The following CREB3L2 variants were observed in gnomAD, a reference collection of about 807,000 sequenced individuals.
CREB3L2 encodes cyclic AMP-responsive element-binding protein 3-like protein 2.
A neutral mutation model predicts 57.2 loss-of-function variants in CREB3L2; 23 were observed. That is an observed-to-expected ratio of 0.40 (90% CI 0.29 to 0.57). The LOEUF (loss-of-function observed/expected upper bound fraction) is 0.57, where lower values mean the gene tolerates loss of function less well. CREB3L2 is among the 20% of genes least tolerant of loss of function. The probability of loss-of-function intolerance (pLI) is 0.42; values close to 1 mark genes in which losing one functional copy is unlikely to be tolerated. For missense variants in CREB3L2, 628 were observed against 634.7 expected, an observed-to-expected ratio of 0.99 and a Z score of 0.11; for synonymous variants, 268 against 265.1, an observed-to-expected ratio of 1.01 and a Z score of -0.11.
At chr7:137,951,893 G>T (rs995099105) in intron 1 of CREB3L2, among the ~76,000 whole-genome samples, 3 of 152,154 alleles carry the variant, frequency 2.0e-5, no homozygotes, top group African/African-American at 7.2e-5. Context: ...AGGAGGCTGA[G>T]GTGGGAGGAT....
Position 137,980,433 on chromosome 7 carries a change from T to A in CREB3L2, c.102+21171A>T, listed in dbSNP as rs1306747941. Among the ~76,000 whole-genome samples, 2 of 152,144 alleles carry A rather than the reference T, an allele frequency of 1.3e-5. No individual in the cohort carries two copies. Among genetic ancestry groups the A allele is most frequent in the South Asian group, 4.2e-4 (2 of 4,816 alleles). On this transcript the variant is annotated intron_variant, in intron 1 of 11. Coordinates refer to ENST00000330387, the MANE Select transcript of CREB3L2 (RefSeq NM_194071.4). The surrounding 1 kb of genome is among the most constrained non-coding windows in gnomAD (Gnocchi z 4.3). The stretch of plus-strand genomic sequence containing the variant: ...GTGGGTTCGCCTGGCCTGGGGCAGC[T>A]CAGGAGAGTGGTCACCCAGGCTGAG...
intron 1 of CREB3L2, among the ~76,000 whole-genome samples, chr7:137,957,497 A>G (rs1024267351): frequency 6.6e-5 from 10 of 152,088 alleles, no homozygotes; most frequent in Non-Finnish European, 1.3e-4. Context: ...GTGCCTAATT[A>G]TACAACCCCA....
At chr7:137,936,502 G>C (rs2117252380) in intron 1 of CREB3L2, among the ~76,000 whole-genome samples, 1 of 152,266 alleles carries the variant, frequency 6.6e-6, no homozygotes, top group African/African-American at 2.4e-5. Context: ...GATGAGGGTA[G>C]GCTTTAAACC....
intron 5 of CREB3L2, among the ~76,000 whole-genome samples, chr7:137,907,761 T>C (rs1799922903): frequency 6.6e-6 from 1 of 152,214 alleles, no homozygotes; most frequent in South Asian, 2.1e-4. Context: ...GATCTGAGTT[T>C]CTGGGTTAAG....
chr7:137,880,604 A>C lies in CREB3L2; in HGVS notation c.1488-53T>G. Reference sequence around the variant, plus strand: ...GTATTAGTCACCAGCTGTTAGCTACAATTCTCATGCTTTGTAGCGTGATGC... The same window carrying C: ...GTATTAGTCACCAGCTGTTAGCTACCATTCTCATGCTTTGTAGCGTGATGC... On this transcript the variant is annotated intron_variant, in intron 11 of 11. Transcript: ENST00000330387. The surrounding 1 kb of genome is among the most constrained non-coding windows in gnomAD (Gnocchi z 4.0). The C allele has an allele frequency of 7.2e-7, 1 of 1,397,424 alleles. No individual in the cohort carries two copies. The highest frequency in any genetic ancestry group is 1.0e-6 in the Non-Finnish European group (1 of 985,224). 86.6% of individuals were successfully genotyped at this position (1,397,424 alleles called of 1,614,324 possible).
rs78841231 is a variant in CREB3L2 at position 137,954,410 on chromosome 7, G to A, written c.103-26044C>T. Among the ~76,000 whole-genome samples, 697 of 152,278 alleles carry A rather than the reference G, an allele frequency of 4.6e-3. 28 individuals carry two copies. The East Asian group carries it at 0.096, about 21-fold the overall frequency. On this transcript the variant is annotated intron_variant, in intron 1 of 11. Transcript: ENST00000330387. ...GGTGGACCCAGGCAGGGGGCAGGGGGCTAGGGATCCTCTCAGAGGTTCCTG... is the reference window on the plus strand; with the variant it reads ...GGTGGACCCAGGCAGGGGGCAGGGGACTAGGGATCCTCTCAGAGGTTCCTG...
intron 4 of CREB3L2, 182 bp downstream of exon 4, chr7:137,912,809 A>T: frequency 6.7e-7 from 1 of 1,496,416 alleles, no homozygotes. Flanking sequence ...GGAAAATAAT[A>T]GTTAGCTTGC....
Position 137,884,984 on chromosome 7 carries a change from T to A in CREB3L2, c.1270+11A>T. 1 of 1,614,140 alleles carries A rather than the reference T, an allele frequency of 6.2e-7. No individual in the cohort carries two copies. On this transcript the variant is annotated intron_variant, in intron 10 of 11. Transcript: ENST00000330387. ...ACAAGACCCTGCCCAACTTGCCACA[T>A]GCTGTCTTACCCACGGAGGCTGTGT...
intron 1 of CREB3L2, among the ~76,000 whole-genome samples, chr7:137,970,222 G>GTTA (rs1262223095): frequency 2.0e-5 from 3 of 152,164 alleles, no homozygotes; most frequent in African/African-American, 7.2e-5. Flanking sequence ...AGTCACAGGA[G>GTTA]TTATTATTAT....
intron 4 of CREB3L2, among the ~76,000 whole-genome samples, chr7:137,908,697 G>A (rs1299701222): frequency 6.6e-6 from 1 of 152,218 alleles, no homozygotes; most frequent in Non-Finnish European, 1.5e-5. Context: ...CCAGGGGCCA[G>A]GCAAGGTGGC....
intron 1 of CREB3L2, among the ~76,000 whole-genome samples, chr7:137,932,391 T>A (rs924460648): frequency 6.6e-6 from 1 of 152,146 alleles, no homozygotes; most frequent in Non-Finnish European, 1.5e-5. Flanking sequence ...AATTTGATGA[T>A]CCACCCTCAG....
rs980837750 is a variant in CREB3L2 at position 137,879,711 on chromosome 7, T to C, written c.*765A>G. On this transcript the variant is annotated 3_prime_UTR_variant, in exon 12 of 12. Coordinates refer to ENST00000330387, the MANE Select transcript of CREB3L2 (RefSeq NM_194071.4). ...GGAGGCATCGATCTCTTCAGTGTGG[T>C]TGCTAGCAGGAAGCCTCGGCAAGCT... 6 of 235,862 alleles carry C rather than the reference T, an allele frequency of 2.5e-5. No individual in the cohort carries two copies. Among genetic ancestry groups the C allele is most frequent in the African/African-American group, 8.8e-5 (4 of 45,272 alleles). 14.6% of individuals were successfully genotyped at this position (235,862 alleles called of 1,614,324 possible).
chr7:137,891,580 C>T (rs1346861892), intron 8 of CREB3L2, among the ~76,000 whole-genome samples: 2 of 144,678 alleles, frequency 1.4e-5, no homozygotes, highest in African/African-American at 5.0e-5. Context: ...GACATACTTT[C>T]TTTTTTTTTT....
chr7:137,924,714 T>G (rs1018250194), intron 2 of CREB3L2, among the ~76,000 whole-genome samples: 1 of 152,166 alleles, frequency 6.6e-6, no homozygotes, highest in African/African-American at 2.4e-5. Context: ...TAGCATCTGG[T>G]TCACAGCCTT....
chr7:137,963,140 A>G (rs1801353817), intron 1 of CREB3L2, among the ~76,000 whole-genome samples: 1 of 152,162 alleles, frequency 6.6e-6, no homozygotes, highest in Admixed American at 6.5e-5. Context: ...AAGTCTAGAT[A>G]AGGGTTATGG....
At chr7:137,936,123 G>A (rs923246478) in intron 1 of CREB3L2, among the ~76,000 whole-genome samples, 2 of 152,182 alleles carry the variant, frequency 1.3e-5, no homozygotes, top group Admixed American at 6.5e-5. Flanking sequence ...ACTAAGGTTC[G>A]CCCACTCAAC....
chr7:137,994,409 C>G (rs1801950012), intron 1 of CREB3L2, among the ~76,000 whole-genome samples: 1 of 152,200 alleles, frequency 6.6e-6, no homozygotes, highest in Admixed American at 6.5e-5. Context: ...TCATTCTTGT[C>G]CTGCATGGTA....
At position 138,001,738 on chromosome 7, in the gene CREB3L2, A is replaced by T. The variant is rs751937786; in HGVS notation, c.-33T>A. On this transcript the variant is annotated 5_prime_UTR_variant, in exon 1 of 12. Transcript: ENST00000330387. This position sits in a 1 kb window ranked among gnomAD's most constrained non-coding sequence, Gnocchi z 4.2. Reference sequence around the variant, plus strand: ...CGGGCCGCGCTGGGCCGAGGATGCTAAGCGCAGGAGGGGACGCGCAGAGCT... The same window carrying T: ...CGGGCCGCGCTGGGCCGAGGATGCTTAGCGCAGGAGGGGACGCGCAGAGCT... 2 of 1,539,336 alleles carry T rather than the reference A, an allele frequency of 1.3e-6. No homozygotes were observed. The highest frequency in any genetic ancestry group is 1.2e-5 in the South Asian group (1 of 85,348).
intron 3 of CREB3L2, among the ~76,000 whole-genome samples, 158 bp from the exon 4 acceptor site, chr7:137,913,236 T>G (rs573622535): frequency 6.6e-6 from 1 of 152,298 alleles, no homozygotes; most frequent in African/African-American, 2.4e-5. Flanking sequence ...GGGAGTCATT[T>G]TAGTTCTTAA....
Sources: allele counts gnomAD v4.1 joint callset (sites outside exome capture counted in the v4.1 genomes callset), GRCh38; gene constraint gnomAD v4.1.1; non-coding constraint Gnocchi (gnomAD v3.1); transcripts MANE v1.5; gene names NCBI Gene and HGNC (gene_info 2026-07-23, HGNC 2026-07-21).